Variants in DNAH11 observed in about 807,000 individuals in gnomAD.
DNAH11 encodes the protein dynein axonemal heavy chain 11.
DNAH11 carries 442 observed loss-of-function variants against 526.0 expected under a neutral mutation model. The observed-to-expected ratio is 0.84, with a 90% CI of 0.78 to 0.91. The LOEUF is 0.91. DNAH11 is among the 40% of genes least tolerant of loss of function. The pLI is 0.00. For synonymous variants in DNAH11, 2,461 were observed against 1,935.9 expected, an observed-to-expected ratio of 1.27 and a Z score of -7.12; for missense variants, 6,989 against 5,448.7, an observed-to-expected ratio of 1.28 and a Z score of -8.90.
intron 65 of DNAH11, among the ~76,000 whole-genome samples, chr7:21,830,979 C>A (rs1053239805): frequency 6.6e-6 from 1 of 152,132 alleles, no homozygotes; most frequent in African/African-American, 2.4e-5. Context: ...GAGCTCACTC[C>A]TGCAGAGGGA....
At chr7:21,567,408 C>G (rs181756123) in intron 6 of DNAH11, among the ~76,000 whole-genome samples, 3 of 152,180 alleles carry the variant, frequency 2.0e-5, no homozygotes, top group African/African-American at 4.8e-5. Context: ...AGCTGACATG[C>G]TGTCAGCTCA....
chr7:21,637,670 T>G lies in DNAH11; in HGVS notation c.4785T>G (p.Asn1595Lys), dbSNP rs770148208. The change falls in exon 27 of 82, where the codon AAT (asparagine) becomes AAG (lysine). Residue 1595 changes from asparagine (N) to lysine (K), a missense_variant. By Grantham distance (94) the Asn-to-Lys change is moderately conservative (BLOSUM62 0). Coordinates refer to ENST00000409508, the MANE Select transcript of DNAH11 (RefSeq NM_001277115.2). ...ENVLEATCRP[N>K]LYEKLKDLQS... ...TGTTAGAAGCAACGTGCAGACCTAA[T>G]CTCTATGAAAAACTTAAAGATTTAC... The G allele has an allele frequency of 1.2e-5, 19 of 1,578,196 alleles. No individual in the cohort carries two copies. The highest frequency in any genetic ancestry group is 6.9e-6 in the Non-Finnish European group (8 of 1,161,962).
rs80026358 is a variant in DNAH11 at position 21,787,740 on chromosome 7, A to G, written c.9924+157A>G. ...AGACATGAGCATGTTAGAGTAAACAATTCTCTACAGGAGGATATTTGAAAT... is the reference window on the plus strand; with the variant it reads ...AGACATGAGCATGTTAGAGTAAACAGTTCTCTACAGGAGGATATTTGAAAT... On this transcript the variant is annotated intron_variant, in intron 60 of 81. Coordinates refer to ENST00000409508, the MANE Select transcript of DNAH11 (RefSeq NM_001277115.2). Among the ~76,000 whole-genome samples the G allele has an allele frequency of 0.023, 3,542 of 152,330 alleles. 164 individuals are homozygous for G. The highest frequency in any genetic ancestry group is 0.21 in the East Asian group (1,094 of 5,182).
chr7:21,727,564 ATTCAGG>A (rs1205526201), intron 45 of DNAH11, among the ~76,000 whole-genome samples: 1 of 152,114 alleles, frequency 6.6e-6, no homozygotes, highest in Non-Finnish European at 1.5e-5. Context: ...TTTCCCTTAG[ATTCAGG>A]TATTCTTTGA....
chr7:21,715,452 G>A (rs547895702), intron 42 of DNAH11, among the ~76,000 whole-genome samples: 2 of 152,174 alleles, frequency 1.3e-5, no homozygotes, highest in African/African-American at 2.4e-5. Context: ...ATACATTGGG[G>A]CATTACAATG....
At chr7:21,628,130 T>G (rs1394425261) in intron 25 of DNAH11, among the ~76,000 whole-genome samples, 3 of 152,212 alleles carry the variant, frequency 2.0e-5, no homozygotes, top group African/African-American at 4.8e-5. Flanking sequence ...TTTTTGTATG[T>G]CTACTTTGTA....
chr7:21,853,064 C>CTA (rs1782702742), intron 67 of DNAH11, among the ~76,000 whole-genome samples: 1 of 152,132 alleles, frequency 6.6e-6, no homozygotes, highest in East Asian at 1.9e-4. Context: ...TGGCAGGATA[C>CTA]CGAGCAAAGG....
chr7:21,858,660 A>G (rs1387404963), intron 68 of DNAH11, among the ~76,000 whole-genome samples: 2 of 152,220 alleles, frequency 1.3e-5, no homozygotes, highest in Non-Finnish European at 2.9e-5. Flanking sequence ...ATTATAGAAA[A>G]GGCAAAATTA....
In DNAH11 at chr7:21,615,213, C is replaced by A; in HGVS notation, c.3952C>A (p.Gln1318Lys). The A allele has an allele frequency of 1.9e-6, 3 of 1,613,410 alleles. No homozygotes were observed. Among genetic ancestry groups the A allele is most frequent in the Non-Finnish European group, 2.5e-6 (3 of 1,179,582 alleles). Residue 1318 changes from glutamine (Q) to lysine (K), a missense_variant, in exon 21 of 82, where the codon CAG (glutamine) becomes AAG (lysine). Coordinates refer to ENST00000409508, the MANE Select transcript of DNAH11 (RefSeq NM_001277115.2). ...VALPEYKQMKQCRKEIKLLKG... is the reference protein window; with the variant it reads ...VALPEYKQMKKCRKEIKLLKG... ...TCTTCCAGAGTACAAACAAATGAAACAGTGTCGCAAAGAAATAAAATTGCT... is the reference window on the plus strand; with the variant it reads ...TCTTCCAGAGTACAAACAAATGAAAAAGTGTCGCAAAGAAATAAAATTGCT...
At chr7:21,825,172 A>G (rs1790225790) in intron 65 of DNAH11, among the ~76,000 whole-genome samples, 2 of 152,120 alleles carry the variant, frequency 1.3e-5, no homozygotes, top group African/African-American at 4.8e-5. Context: ...CACCGGGTCT[A>G]TTACTGTGAT....
At chr7:21,592,607 ACAGGCAAGC>A (rs1336686675) in intron 14 of DNAH11, among the ~76,000 whole-genome samples, 3 of 152,238 alleles carry the variant, frequency 2.0e-5, no homozygotes, top group Non-Finnish European at 4.4e-5. Context: ...AGGGTAAGCC[ACAGGCAAGC>A]AAAGAAGTGG....
At position 21,873,431 on chromosome 7, in the gene DNAH11, T is replaced by C; in HGVS notation, c.12125T>C (p.Ile4042Thr). The C allele has an allele frequency of 6.2e-7, 1 of 1,613,990 alleles. No individual in the cohort carries two copies. The highest frequency in any genetic ancestry group is 8.5e-7 in the Non-Finnish European group (1 of 1,179,878). The stretch of plus-strand genomic sequence containing the variant: ...CCTCAAGGACTCCTGGAAAATTCCA[T>C]TAAGATCACTAATGAACCCCCAACA... The part of the protein sequence containing the change: ...IIPQGLLENS[I>T]KITNEPPTGM... The change falls in exon 74 of 82, where the codon ATT (isoleucine) becomes ACT (threonine). Residue 4042 changes from isoleucine to threonine, a missense_variant. By Grantham distance (89) the Ile-to-Thr change is moderately conservative. Coordinates refer to ENST00000409508, the MANE Select transcript of DNAH11 (RefSeq NM_001277115.2).
intron 56 of DNAH11, among the ~76,000 whole-genome samples, chr7:21,774,274 T>C (rs1787566687): frequency 6.6e-6 from 1 of 152,140 alleles, no homozygotes; most frequent in Admixed American, 6.5e-5. Context: ...GGATTGCCTC[T>C]CTTGTCTCTG....
chr7:21,877,533 TAAAG>T (rs755146412), intron 74 of DNAH11, among the ~76,000 whole-genome samples: 1 of 152,202 alleles, frequency 6.6e-6, no homozygotes. Flanking sequence ...GGCTGGGACA[TAAAG>T]AACCATTTCT....
chr7:21,558,835 C>T lies in DNAH11; in HGVS notation c.529C>T (p.His177Tyr), dbSNP rs752016007. The change falls in exon 3 of 82, where the codon CAT becomes TAT. Residue 177 changes from histidine (H) to tyrosine (Y), a missense_variant. Physicochemically the swap from His to Tyr is moderately conservative, Grantham distance 83. Transcript: ENST00000409508. ...LVPVLSNKNNHKSWSCFTSQD... is the reference protein window; with the variant it reads ...LVPVLSNKNNYKSWSCFTSQD... ...GCCAGTTCTTTCTAATAAGAACAAC[C>T]ATAAGTCCTGGTCCTGTTTTACTTC... The T allele has an allele frequency of 5.0e-6, 8 of 1,601,994 alleles. No homozygotes were observed. Among genetic ancestry groups the T allele is most frequent in the Non-Finnish European group, 6.0e-6 (7 of 1,175,086 alleles).
At chr7:21,613,821 G>C (rs1785642682) in intron 20 of DNAH11, among the ~76,000 whole-genome samples, 1 of 152,064 alleles carries the variant, frequency 6.6e-6, no homozygotes, top group African/African-American at 2.4e-5. Flanking sequence ...TAGTGCAGTG[G>C]TACAATTTCA....
Position 21,606,615 on chromosome 7 carries a change from C to CTTTTTTT in DNAH11, c.3766-18_3766-12dup. 3.0e-5 allele frequency: 36 copies of CTTTTTTT among 1,194,932 alleles called. 1 individual carries two copies. The highest frequency in any genetic ancestry group is 1.2e-4 in the Admixed American group (4 of 33,632). 74.0% of individuals were successfully genotyped at this position (1,194,932 alleles called of 1,614,324 possible). A position where few individuals can be genotyped will look rare whatever the true frequency, so the allele number is the denominator to read the frequency against. ...AATTGAAGTATTTGTTTGAAATTCA[C>CTTTTTTT]TTTTTTTTTTTTTTTTTTTTGCAAT... On this transcript the variant is annotated intron_variant, in intron 19 of 81. Coordinates refer to ENST00000409508, the MANE Select transcript of DNAH11 (RefSeq NM_001277115.2).
intron 25 of DNAH11, among the ~76,000 whole-genome samples, chr7:21,626,998 C>T (rs1786370615): frequency 6.6e-6 from 1 of 152,006 alleles, no homozygotes; most frequent in Non-Finnish European, 1.5e-5. Context: ...GATCTGTGTG[C>T]CTCTGCCCCT....
At chr7:21,795,045 C>T (rs1322573804) in intron 61 of DNAH11, among the ~76,000 whole-genome samples, 1 of 152,130 alleles carries the variant, frequency 6.6e-6, no homozygotes, top group African/African-American at 2.4e-5. Flanking sequence ...ATAGTCTTAG[C>T]ACTGGATATT....
Sources: gnomAD v4.1 joint callset for allele counts (sites outside exome capture counted in the v4.1 genomes callset) on GRCh38, gnomAD v4.1.1 for gene constraint, MANE v1.5 for transcripts, NCBI Gene and HGNC (gene_info 2026-07-23, HGNC 2026-07-21) for gene names.